CMSS1: variants seen among roughly 807,000 people sequenced by gnomAD.
CMSS1 encodes the protein cms1 ribosomal small subunit homolog, also known as protein CMSS1.
CMSS1 carries 33 observed loss-of-function variants against 43.5 expected under a neutral mutation model. The ratio of observed to expected loss-of-function variants is 0.76; its 90% CI spans 0.57 to 1.01. CMSS1 has a LOEUF of 1.01. Ranked by LOEUF, CMSS1 falls within the 50% of genes least tolerant of loss-of-function variation. CMSS1 has a pLI of 0.00. For synonymous variants in CMSS1, 115 were observed against 117.2 expected (o/e 0.98, Z 0.12); for missense variants, 313 against 326.4 (o/e 0.96, Z 0.32).
intron 1 of CMSS1, among the ~76,000 whole-genome samples, chr3:100,096,775 T>C (rs2066217030): frequency 6.6e-6 from 1 of 152,202 alleles, no homozygotes; most frequent in African/African-American, 2.4e-5. Context: ...ATAATTGGAT[T>C]GTTTGTAACA....
At chr3:99,996,994 C>G (rs1238355487) in intron 1 of CMSS1, among the ~76,000 whole-genome samples, 1 of 152,132 alleles carries the variant, frequency 6.6e-6, no homozygotes, top group African/African-American at 2.4e-5. Context: ...GTATACAGCA[C>G]AAGCAGTGCT....
chr3:100,171,694 A>C lies in CMSS1; in HGVS notation c.519-145A>C. 7.7e-6 allele frequency: 5 copies of C among 649,244 alleles called. No homozygotes were observed. The South Asian group carries it at 1.0e-4, about 13-fold the overall frequency. 40.2% of individuals were successfully genotyped at this position (649,244 alleles called of 1,614,324 possible). ...CATTGCAAAGATTGGCTAACCTGCA[A>C]ATCTCAGAATTTGTATGTACATATG... is the stretch of plus-strand genomic sequence containing the variant. On this transcript the variant is annotated intron_variant, in intron 6 of 9. Transcript: ENST00000421999.
At chr3:99,885,068 C>A (rs548501420) in intron 1 of CMSS1, among the ~76,000 whole-genome samples, 1 of 152,328 alleles carries the variant, frequency 6.6e-6, no homozygotes, top group East Asian at 1.9e-4. Context: ...TTCCTTTCAG[C>A]AGTCAACTAT....
At chr3:100,130,127 T>G (rs1477720088) in intron 1 of CMSS1, among the ~76,000 whole-genome samples, 1 of 152,214 alleles carries the variant, frequency 6.6e-6, no homozygotes, top group African/African-American at 2.4e-5. Context: ...CTATAGCCTA[T>G]TTCCCCTTTT....
At chr3:100,164,213 T>G (rs183581110) in intron 4 of CMSS1, among the ~76,000 whole-genome samples, 1 of 152,352 alleles carries the variant, frequency 6.6e-6, no homozygotes, top group African/African-American at 2.4e-5. Flanking sequence ...ACAGGAACTA[T>G]TCTAACAAAA....
At chr3:99,826,247 T>G (rs577599997) in intron 1 of CMSS1, among the ~76,000 whole-genome samples, 49 of 152,348 alleles carry the variant, frequency 3.2e-4, no homozygotes, top group African/African-American at 1.2e-3. Flanking sequence ...TAATATTGCT[T>G]ATAAAAAGTA....
intron 1 of CMSS1, among the ~76,000 whole-genome samples, chr3:100,124,322 C>T (rs555446998): frequency 3.3e-5 from 5 of 152,282 alleles, no homozygotes; most frequent in Admixed American, 6.5e-5. Context: ...GGAATAGGAA[C>T]GCTGTCACCA....
intron 1 of CMSS1, among the ~76,000 whole-genome samples, chr3:100,076,790 A>C (rs1272815887): frequency 6.6e-6 from 1 of 152,238 alleles, no homozygotes; most frequent in African/African-American, 2.4e-5. Context: ...CAGGTCATTA[A>C]TAAAGTTGTT....
chr3:99,831,000 C>T (rs564053979), intron 1 of CMSS1, among the ~76,000 whole-genome samples: 1 of 152,286 alleles, frequency 6.6e-6, no homozygotes, highest in Admixed American at 6.5e-5. Flanking sequence ...CTTGGGCCTT[C>T]AGACTTTTAA....
chr3:100,155,640 G>C (rs929989669), intron 2 of CMSS1, among the ~76,000 whole-genome samples: 3 of 152,056 alleles, frequency 2.0e-5, no homozygotes, highest in African/African-American at 7.2e-5. Context: ...GCTTCCTTTT[G>C]TTTGGTTTCA....
intron 1 of CMSS1, among the ~76,000 whole-genome samples, chr3:100,007,711 G>A (rs893635976): frequency 1.3e-5 from 2 of 152,176 alleles, no homozygotes; most frequent in South Asian, 2.1e-4. Flanking sequence ...CTACAGTATC[G>A]TGTAGGCAAA....
intron 3 of CMSS1, among the ~76,000 whole-genome samples, chr3:100,161,395 G>A (rs1361519627): frequency 6.6e-6 from 1 of 152,188 alleles, no homozygotes; most frequent in East Asian, 1.9e-4. Context: ...GGAGTGTTAA[G>A]TTCTTGGTGG....
chr3:99,996,423 T>G, intron 1 of CMSS1, among the ~76,000 whole-genome samples: 1 of 152,156 alleles, frequency 6.6e-6, no homozygotes, highest in East Asian at 1.9e-4. Context: ...CTTTCCCACA[T>G]TTTCCTGTCT....
At chr3:99,965,300 A>C (rs147396490) in intron 1 of CMSS1, among the ~76,000 whole-genome samples, 45 of 152,230 alleles carry the variant, frequency 3.0e-4, no homozygotes, top group Middle Eastern at 3.4e-3. Context: ...GAGTTTTATA[A>C]TTTTTTATCA....
At chr3:99,922,624 G>T (rs1371107981) in intron 1 of CMSS1, among the ~76,000 whole-genome samples, 1 of 152,162 alleles carries the variant, frequency 6.6e-6, no homozygotes, top group South Asian at 2.1e-4. Context: ...TGAATTGGAA[G>T]TAGTTGAATA....
intron 1 of CMSS1, among the ~76,000 whole-genome samples, chr3:100,080,360 C>T (rs1008965604): frequency 6.6e-6 from 1 of 152,104 alleles, no homozygotes; most frequent in Non-Finnish European, 1.5e-5. Flanking sequence ...TCTGACTCTC[C>T]CTGAACAAAC....
intron 1 of CMSS1, among the ~76,000 whole-genome samples, chr3:99,908,688 A>G (rs2107636302): frequency 6.6e-6 from 1 of 152,222 alleles, no homozygotes. Context: ...CCTCCTTTAA[A>G]AGGTTGTTAG....
At chr3:99,993,516 G>C (rs1344965469) in intron 1 of CMSS1, among the ~76,000 whole-genome samples, 1 of 152,066 alleles carries the variant, frequency 6.6e-6, no homozygotes, top group African/African-American at 2.4e-5. Flanking sequence ...ATACTGTGTT[G>C]AATAGGGGTG....
intron 1 of CMSS1, among the ~76,000 whole-genome samples, chr3:99,885,137 A>C (rs1484504268): frequency 2.6e-5 from 4 of 152,240 alleles, no homozygotes; most frequent in African/African-American, 9.6e-5. Flanking sequence ...CTTTTTGAAC[A>C]TAATCAATTC....
Sources: allele counts gnomAD v4.1 joint callset (sites outside exome capture counted in the v4.1 genomes callset), GRCh38; gene constraint gnomAD v4.1.1; transcripts MANE v1.5; gene names NCBI Gene and HGNC (gene_info 2026-07-23, HGNC 2026-07-21).